Variants in MCU observed in about 807,000 individuals in gnomAD.
MCU encodes calcium uniporter protein, mitochondrial.
A neutral mutation model predicts 45.2 loss-of-function variants in MCU; 12 were observed. The ratio of observed to expected loss-of-function variants is 0.27; its 90% CI spans 0.17 to 0.43. The LOEUF (loss-of-function observed/expected upper bound fraction) is 0.43, where lower values mean the gene tolerates loss of function less well. Ranked by LOEUF, MCU falls within the 20% of genes least tolerant of loss-of-function variation. The pLI is 1.00. For missense variants in MCU, 324 were observed against 436.7 expected, an observed-to-expected ratio of 0.74 and a Z score of 2.30; for synonymous variants, 160 against 165.1, an observed-to-expected ratio of 0.97 and a Z score of 0.24.
At chr10:72,798,875 A>AT (rs912777736) in intron 1 of MCU, among the ~76,000 whole-genome samples, 7 of 152,126 alleles carry the variant, frequency 4.6e-5, no homozygotes, top group African/African-American at 1.4e-4. Flanking sequence ...TTATAACTTA[A>AT]TTTTTATACC....
At chr10:72,694,050 A>G (rs750304827) in intron 1 of MCU, among the ~76,000 whole-genome samples, 8 of 152,172 alleles carry the variant, frequency 5.3e-5, no homozygotes, top group African/African-American at 1.4e-4. Context: ...TCTCTGTGCT[A>G]TTCTAGGGTG....
chr10:72,732,901 GA>G (rs1342559331), intron 1 of MCU, among the ~76,000 whole-genome samples: 1 of 152,174 alleles, frequency 6.6e-6, no homozygotes, highest in Non-Finnish European at 1.5e-5. Context: ...TCCATGAGAC[GA>G]AAATGGCCCT....
intron 4 of MCU, 29 bp from the exon 5 acceptor site, chr10:72,868,674 T>G: frequency 6.2e-7 from 1 of 1,609,024 alleles, no homozygotes; most frequent in Non-Finnish European, 8.5e-7. Context: ...AAGGCATACA[T>G]TTTTTAAAAA....
chr10:72,882,389 T>A (rs1473694374), intron 6 of MCU, among the ~76,000 whole-genome samples: 3 of 152,210 alleles, frequency 2.0e-5, no homozygotes, highest in African/African-American at 7.2e-5. Context: ...AGAGCCATAT[T>A]TCTCTTCTTT....
At chr10:72,873,426 CT>C (rs931403520) in intron 6 of MCU, among the ~76,000 whole-genome samples, 1 of 152,056 alleles carries the variant, frequency 6.6e-6, no homozygotes, top group African/African-American at 2.4e-5. Context: ...CTATTCAGAT[CT>C]TTTGCCTATA....
chr10:72,868,421 G>A (rs937899120), intron 4 of MCU, among the ~76,000 whole-genome samples: 2 of 151,982 alleles, frequency 1.3e-5, no homozygotes, highest in Non-Finnish European at 2.9e-5. Context: ...TGTGGCCGGT[G>A]CACACCTGTA....
At chr10:72,802,888 A>G (rs988423588) in intron 1 of MCU, among the ~76,000 whole-genome samples, 1 of 152,228 alleles carries the variant, frequency 6.6e-6, no homozygotes, top group Non-Finnish European at 1.5e-5. Flanking sequence ...CTGAGTAATT[A>G]TGTTGAGTAG....
chr10:72,730,378 T>A (rs1160181057), intron 1 of MCU, among the ~76,000 whole-genome samples: 1 of 145,292 alleles, frequency 6.9e-6, no homozygotes, highest in African/African-American at 2.6e-5. Flanking sequence ...CCAATCCGCC[T>A]CCTGGGTTCA....
intron 2 of MCU, among the ~76,000 whole-genome samples, chr10:72,838,941 C>T (rs1335686494): frequency 6.6e-6 from 1 of 151,820 alleles, no homozygotes; most frequent in Non-Finnish European, 1.5e-5. Context: ...AGCTATATTT[C>T]ACATACCATA....
intron 1 of MCU, among the ~76,000 whole-genome samples, chr10:72,775,032 A>G (rs1032396124): frequency 6.6e-6 from 1 of 152,124 alleles, no homozygotes; most frequent in Non-Finnish European, 1.5e-5. Flanking sequence ...GTTAAACTAC[A>G]CACTAGATCT....
At chr10:72,847,515 A>G (rs945787539) in intron 2 of MCU, among the ~76,000 whole-genome samples, 2 of 152,084 alleles carry the variant, frequency 1.3e-5, no homozygotes, top group African/African-American at 2.4e-5. Context: ...TATGTATAGC[A>G]AAAAAAATAC....
intron 1 of MCU, chr10:72,715,808 G>A (rs893343185): frequency 2.1e-6 from 2 of 941,572 alleles, no homozygotes; most frequent in Non-Finnish European, 2.5e-6. Flanking sequence ...TCCCCTGTAT[G>A]TCATAACAAC....
intron 1 of MCU, among the ~76,000 whole-genome samples, chr10:72,825,935 C>T (rs1275729384): frequency 1.3e-5 from 2 of 152,160 alleles, no homozygotes; most frequent in Non-Finnish European, 2.9e-5. Context: ...GCCTTTGAAA[C>T]TCAACGCATT....
chr10:72,850,391 C>T (rs1356912596), intron 2 of MCU, among the ~76,000 whole-genome samples: 3 of 152,096 alleles, frequency 2.0e-5, no homozygotes, highest in African/African-American at 7.2e-5. Context: ...AGTAGCTTTG[C>T]GGAAAAACCC....
At chr10:72,744,552 C>G (rs772121598) in intron 1 of MCU, among the ~76,000 whole-genome samples, 2 of 152,196 alleles carry the variant, frequency 1.3e-5, no homozygotes, top group Non-Finnish European at 2.9e-5. Flanking sequence ...ATTGCTTGAA[C>G]CCAGGAGGCG....
chr10:72,872,443 T>G (rs1304946360), intron 6 of MCU, among the ~76,000 whole-genome samples: 1 of 152,310 alleles, frequency 6.6e-6, no homozygotes, highest in Middle Eastern at 3.4e-3. Flanking sequence ...ATTATTCTCC[T>G]CTCTACTTCT....
In MCU at chr10:72,885,919, A is replaced by G. The variant is rs1324324015; in HGVS notation, c.*97A>G. The G allele has an allele frequency of 1.1e-6, 1 of 911,708 alleles. No individual in the cohort carries two copies. The highest frequency in any genetic ancestry group is 1.8e-6 in the Non-Finnish European group (1 of 570,546). The allele number at this position is 911,708 out of a possible 1,614,324, so 56.5% of individuals were successfully genotyped here. On this transcript the variant is annotated 3_prime_UTR_variant, in exon 8 of 8. Transcript: ENST00000373053. ...AAGCTGGGAGCCATGTGGGGGGTAGAGCGTTTTTACCTTTAATTATAAAAC... is the reference window on the plus strand; with the variant it reads ...AAGCTGGGAGCCATGTGGGGGGTAGGGCGTTTTTACCTTTAATTATAAAAC...
chr10:72,841,138 G>C (rs1029406716), intron 2 of MCU, among the ~76,000 whole-genome samples: 2 of 152,030 alleles, frequency 1.3e-5, no homozygotes, highest in African/African-American at 4.8e-5. Flanking sequence ...ACTGTTCAAA[G>C]CAGTTAGTTC....
At position 72,859,267 on chromosome 10, in the gene MCU, T is replaced by G; in HGVS notation, c.311T>G (p.Ile104Ser). Residue 104 changes from isoleucine (I) to serine (S), a missense_variant, in exon 3 of 8, where the codon ATC becomes AGC. Around this residue, in one of 4 missense-constraint regions of MCU, gnomAD observed 135 missense variants for 207.3 expected, o/e 0.65. Coordinates refer to ENST00000373053, the MANE Select transcript of MCU (RefSeq NM_138357.3). The stretch of plus-strand genomic sequence containing the variant: ...CGCTGTCAGTTCACACTCAAGCCTA[T>G]CTCTGACTCTGTTGGTGTATTTTTA... ...RERCQFTLKP[I>S]SDSVGVFLRQ... 6.2e-7 allele frequency: 1 copy of G among 1,613,766 alleles called. No homozygotes were observed. The highest frequency in any genetic ancestry group is 8.5e-7 in the Non-Finnish European group (1 of 1,179,904).
Sources: allele counts gnomAD v4.1 joint callset (sites outside exome capture counted in the v4.1 genomes callset), GRCh38; gene constraint gnomAD v4.1.1; regional missense constraint gnomAD v4.1.1; transcripts MANE v1.5; gene names NCBI Gene and HGNC (gene_info 2026-07-23, HGNC 2026-07-21).